Variants in PAICS observed in about 807,000 individuals in gnomAD.
PAICS encodes bifunctional phosphoribosylaminoimidazole carboxylase/phosphoribosylaminoimidazole succinocarboxamide synthetase.
Under a neutral mutation model 53.7 loss-of-function variants are expected in PAICS, and 33 were observed. That is an observed-to-expected ratio of 0.61 (90% CI 0.47 to 0.82). The LOEUF (loss-of-function observed/expected upper bound fraction) is 0.82, where lower values mean the gene tolerates loss of function less well. Among genes scored for constraint, PAICS ranks in the 40% least tolerant of loss-of-function variants. The pLI is 0.00. For synonymous variants in PAICS, 141 were observed against 167.2 expected, an observed-to-expected ratio of 0.84 and a Z score of 1.21; for missense variants, 394 against 494.1, an observed-to-expected ratio of 0.80 and a Z score of 1.92.
chr4:56,432,417 A>G, upstream of PAICS, among the ~76,000 whole-genome samples: 1 of 151,118 alleles, frequency 6.6e-6, no homozygotes, highest in Non-Finnish European at 1.5e-5. Flanking sequence ...AATCCCAGCT[A>G]CTCGGGAGAC....
the PAICS span, among the ~76,000 whole-genome samples, chr4:56,423,820 A>G: frequency 1.3e-5 from 2 of 152,214 alleles, no homozygotes; most frequent in South Asian, 2.1e-4. Context: ...CAAGGATCTC[A>G]GCAGCTAAAT....
At chr4:56,447,999 TTTC>T (rs1430738772) in intron 3 of PAICS, among the ~76,000 whole-genome samples, 7 of 118,160 alleles carry the variant, frequency 5.9e-5, no homozygotes, top group East Asian at 3.1e-4. Context: ...TGGATCAAAA[TTTC>T]TTTTCTTTTT....
chr4:56,454,610 T>A (rs558699233), intron 8 of PAICS, among the ~76,000 whole-genome samples: 2 of 152,186 alleles, frequency 1.3e-5, no homozygotes, highest in Non-Finnish European at 2.9e-5. Context: ...TTTAAATATA[T>A]AACAATTCAT....
In PAICS at chr4:56,462,081, AT is replaced by A. The variant is rs1480391018; in HGVS notation, c.*2544del. ...TATGTTTTAGAGGGGAAAACAAACCATAAAAAGGTAAACAGTATAAAATCAG... is the reference window on the plus strand; with the variant it reads ...TATGTTTTAGAGGGGAAAACAAACCAAAAAAGGTAAACAGTATAAAATCAG... On this transcript the variant is annotated 3_prime_UTR_variant, in exon 9 of 9. Coordinates refer to ENST00000512576, the MANE Select transcript of PAICS (RefSeq NM_001079524.2). The A allele has an allele frequency of 6.6e-6, 1 of 152,240 alleles. No individual in the cohort carries two copies. Among genetic ancestry groups the A allele is most frequent in the Non-Finnish European group, 1.5e-5 (1 of 68,042 alleles). 9.4% of individuals were successfully genotyped at this position (152,240 alleles called of 1,614,324 possible). A position where few individuals can be genotyped will look rare whatever the true frequency, so the allele number is the denominator to read the frequency against.
chr4:56,438,378 T>TATATATATATATATATATATAA (rs1718143184), intron 1 of PAICS, among the ~76,000 whole-genome samples: 1 of 64,344 alleles, frequency 1.6e-5, no homozygotes, highest in Non-Finnish European at 2.7e-5. Flanking sequence ...TGTTTATATA[T>TATATATATATATATATATATAA]ATATATATAT....
the PAICS span, among the ~76,000 whole-genome samples, chr4:56,426,205 A>C: frequency 6.6e-6 from 1 of 152,174 alleles, no homozygotes; most frequent in Non-Finnish European, 1.5e-5. Flanking sequence ...GATCAAGACC[A>C]TCCTGGCCAA....
chr4:56,430,184 C>T, the PAICS span, among the ~76,000 whole-genome samples: 2 of 152,178 alleles, frequency 1.3e-5, no homozygotes, highest in East Asian at 3.9e-4. Flanking sequence ...CAGATTGGGG[C>T]TTTTTTGAAA....
At chr4:56,449,312 A>G (rs1718779628) in intron 5 of PAICS, among the ~76,000 whole-genome samples, 2 of 152,196 alleles carry the variant, frequency 1.3e-5, no homozygotes, top group South Asian at 4.1e-4. Flanking sequence ...CTAAACCACA[A>G]TGAGATACCA....
rs1252894727 is a variant in PAICS, at chr4:56,447,013, C to CT, written c.393+141dup. 8.3e-5 allele frequency: 38 copies of CT among 458,630 alleles called. No homozygotes were observed. In the Admixed American group the frequency reaches 1.5e-3, roughly 18 times the overall value. 28.4% of individuals were successfully genotyped at this position (458,630 alleles called of 1,614,324 possible). A position where few individuals can be genotyped will look rare whatever the true frequency, so the allele number is the denominator to read the frequency against. ...AATGTCATTCCAAAATTTGTCTTAT[C>CT]TAGTTGCCAATGTCAATAATGTACA... On this transcript the variant is annotated intron_variant, in intron 3 of 8. Coordinates refer to ENST00000512576, the MANE Select transcript of PAICS (RefSeq NM_001079524.2).
chr4:56,420,651 C>A, the PAICS span: 1 of 152,028 alleles, frequency 6.6e-6, no homozygotes, highest in East Asian at 1.9e-4. Context: ...AAATATGCAA[C>A]CCCAGATGGC....
chr4:56,435,877 T>G (rs1717896081), upstream of PAICS: 1 of 1,481,630 alleles, frequency 6.7e-7, no homozygotes, highest in African/African-American at 1.4e-5. Context: ...TTCAGAGCAT[T>G]TAGCCTTCAT....
the PAICS span, among the ~76,000 whole-genome samples, chr4:56,423,984 A>G: frequency 2.0e-5 from 3 of 152,208 alleles, no homozygotes; most frequent in Non-Finnish European, 4.4e-5. Context: ...AGGGAAAAAA[A>G]TTCACATGAA....
At position 56,463,307 on chromosome 4, in the gene PAICS, T is replaced by C. The variant is rs6848187; in HGVS notation, c.*3769T>C. Reference sequence around the variant, plus strand: ...TTTCTTCTGCTTGCCTCTGAGTTGATAAGATACCATAAGATACTGTACATG... The same window carrying C: ...TTTCTTCTGCTTGCCTCTGAGTTGACAAGATACCATAAGATACTGTACATG... On this transcript the variant is annotated 3_prime_UTR_variant, in exon 9 of 9. Transcript: ENST00000512576. The C allele has an allele frequency of 0.33, 50,248 of 151,110 alleles. 8,778 individuals carry two copies. Among genetic ancestry groups the C allele is most frequent in the East Asian group, 0.47 (2,360 of 5,040 alleles). 9.4% of individuals were successfully genotyped at this position (151,110 alleles called of 1,614,324 possible). A position where few individuals can be genotyped will look rare whatever the true frequency, so the allele number is the denominator to read the frequency against.
chr4:56,456,655 C>T (rs893739875), intron 8 of PAICS, among the ~76,000 whole-genome samples: 1 of 151,082 alleles, frequency 6.6e-6, no homozygotes. Flanking sequence ...GCAATCTTCC[C>T]ACCTCAGCCT....
the PAICS span, chr4:56,416,315 C>T: frequency 1.5e-5 from 4 of 261,128 alleles, no homozygotes; most frequent in African/African-American, 6.9e-5. Flanking sequence ...AATTATCAGT[C>T]ATGTTGTTTC....
At chr4:56,436,586 C>T (rs1021666937) in intron 1 of PAICS, 59 of 696,330 alleles carry the variant, frequency 8.5e-5, no homozygotes, top group African/African-American at 5.4e-4. Context: ...TATTTATAAT[C>T]AATAGCTATT....
intron 8 of PAICS, among the ~76,000 whole-genome samples, chr4:56,454,533 T>G (rs1719090497): frequency 6.6e-6 from 1 of 152,210 alleles, no homozygotes; most frequent in Non-Finnish European, 1.5e-5. Flanking sequence ...GTTTTCTAAT[T>G]GTCTCATCTG....
chr4:56,447,325 A>G (rs1045882878), intron 3 of PAICS, among the ~76,000 whole-genome samples: 3 of 152,164 alleles, frequency 2.0e-5, no homozygotes, highest in African/African-American at 7.2e-5. Flanking sequence ...CTGCTTGGGA[A>G]GCAATATCAG....
chr4:56,417,796 AT>A, the PAICS span, among the ~76,000 whole-genome samples: 1 of 151,492 alleles, frequency 6.6e-6, no homozygotes, highest in South Asian at 2.1e-4. Flanking sequence ...AAGAAACAAA[AT>A]AAATTATGAT....
Sources: allele counts gnomAD v4.1 joint callset (sites outside exome capture counted in the v4.1 genomes callset), GRCh38; gene constraint gnomAD v4.1.1; transcripts MANE v1.5; gene names NCBI Gene and HGNC (gene_info 2026-07-23, HGNC 2026-07-21).